PIWIL2: variants seen among roughly 807,000 people sequenced by gnomAD.
PIWIL2 encodes piwi-like protein 2.
PIWIL2 carries 81 observed loss-of-function variants against 116.5 expected under a neutral mutation model. The ratio of observed to expected loss-of-function variants is 0.70; its 90% CI spans 0.58 to 0.84. The LOEUF is 0.84. PIWIL2 is among the 40% of genes least tolerant of loss of function. The pLI is 0.00. For synonymous variants in PIWIL2, 489 were observed against 429.5 expected, an observed-to-expected ratio of 1.14 and a Z score of -1.71; for missense variants, 1,272 against 1,212.3, an observed-to-expected ratio of 1.05 and a Z score of -0.73.
intron 20 of PIWIL2, among the ~76,000 whole-genome samples, chr8:22,328,183 C>T (rs138938533): frequency 2.0e-5 from 3 of 152,210 alleles, no homozygotes; most frequent in African/African-American, 4.8e-5. Flanking sequence ...TAGCACCATT[C>T]GTTGAGAGAA....
rs760971354 is a variant in PIWIL2 at position 22,308,014 on chromosome 8, G to A, written c.1627G>A (p.Glu543Lys). The A allele has an allele frequency of 2.0e-5, 32 of 1,613,788 alleles. No homozygotes were observed. In the East Asian group the frequency reaches 3.1e-4, roughly 16 times the overall value. The change falls in exon 14 of 23, where the codon GAG (glutamate) becomes AAG (lysine). Residue 543 changes from glutamate to lysine, a missense_variant. Physicochemically the swap from Glu to Lys is moderately conservative, Grantham distance 56. Coordinates refer to ENST00000356766, the MANE Select transcript of PIWIL2 (RefSeq NM_018068.5). ...CTTGCTGCAAAGAATTGCAAAGAAC[G>A]AGGCAGCCACCAATGAACTGATGCG... ...ECLLQRIAKN[E>K]AATNELMRWG...
chr8:22,329,152 T>C (rs1230036485), intron 20 of PIWIL2, among the ~76,000 whole-genome samples: 1 of 152,170 alleles, frequency 6.6e-6, no homozygotes, highest in Non-Finnish European at 1.5e-5. Context: ...CCTAATTTGC[T>C]GAGTATTTTT....
intron 20 of PIWIL2, among the ~76,000 whole-genome samples, chr8:22,346,343 G>A (rs1832226240): frequency 6.6e-6 from 1 of 152,184 alleles, no homozygotes; most frequent in South Asian, 2.1e-4. Context: ...TAGTTCCCGT[G>A]GTGGAATCAG....
chr8:22,339,724 T>TA (rs1832064449), intron 20 of PIWIL2, among the ~76,000 whole-genome samples: 1 of 152,212 alleles, frequency 6.6e-6, no homozygotes, highest in Non-Finnish European at 1.5e-5. Context: ...ATTCATCCGA[T>TA]ACATATGGAA....
chr8:22,334,668 A>G lies in PIWIL2; in HGVS notation c.2403+16393A>G, dbSNP rs544340721. Among the ~76,000 whole-genome samples, 13 of 151,768 alleles carry G rather than the reference A, an allele frequency of 8.6e-5. 1 individual carries two copies. The South Asian group carries it at 1.9e-3, about 22-fold the overall frequency. On this transcript the variant is annotated intron_variant, in intron 20 of 22. Transcript: ENST00000356766. ...GTTGGGTCAAGCCCAACTGTCTCCA[A>G]CTCCTGGGCTTAGGTGATTCTCTTA...
chr8:22,304,768 C>G lies in PIWIL2; in HGVS notation c.1371-16C>G. On this transcript the variant is annotated splice_polypyrimidine_tract_variant and intron_variant, in intron 11 of 22. Coordinates refer to ENST00000356766, the MANE Select transcript of PIWIL2 (RefSeq NM_018068.5). ...TGCTGCTTCTGAAATTTTTTCCTGC[C>G]TCTACTCTGCTCTAGCAAAAATTAT... is the stretch of plus-strand genomic sequence containing the variant. 6.3e-7 allele frequency: 1 copy of G among 1,578,198 alleles called. No homozygotes were observed.
rs1170780921 is a variant in PIWIL2 at position 22,327,369 on chromosome 8, G to GTT, written c.2403+9108_2403+9109dup. On this transcript the variant is annotated intron_variant, in intron 20 of 22. Coordinates refer to ENST00000356766, the MANE Select transcript of PIWIL2 (RefSeq NM_018068.5). ...TGTTTTTTGTGGGGTTTTTTGTTTC[G>GTT]TTTTTTTTTTTTTTTGAGACGGAGT... Among the ~76,000 whole-genome samples, 94 of 117,570 alleles carry GTT rather than the reference G, an allele frequency of 8.0e-4. 1 individual carries two copies. Among genetic ancestry groups the GTT allele is most frequent in the African/African-American group, 2.3e-3 (72 of 31,966 alleles). 77.1% of individuals were successfully genotyped at this position (117,570 alleles called of 152,430 possible). A position where few individuals can be genotyped will look rare whatever the true frequency, so the allele number is the denominator to read the frequency against.
At chr8:22,349,331 T>A (rs1340585414) in intron 20 of PIWIL2, among the ~76,000 whole-genome samples, 1 of 150,202 alleles carries the variant, frequency 6.7e-6, no homozygotes, top group Non-Finnish European at 1.5e-5. Context: ...CTCCATTGAT[T>A]TATTAAGTCC....
intron 16 of PIWIL2, among the ~76,000 whole-genome samples, chr8:22,313,652 G>C (rs191978017): frequency 6.6e-6 from 1 of 152,326 alleles, no homozygotes; most frequent in African/African-American, 2.4e-5. Flanking sequence ...ATTTGTAGCA[G>C]TTTCTGGCTT....
At chr8:22,304,560 G>A (rs1467949323) in intron 11 of PIWIL2, among the ~76,000 whole-genome samples, 1 of 152,122 alleles carries the variant, frequency 6.6e-6, no homozygotes. Context: ...TTTTAACAAA[G>A]TCTTTCTTGA....
At chr8:22,277,538 A>G (rs948728258) in intron 1 of PIWIL2, among the ~76,000 whole-genome samples, 39 of 151,896 alleles carry the variant, frequency 2.6e-4, no homozygotes, top group African/African-American at 8.5e-4. Flanking sequence ...TTTTTTTTCT[A>G]TTTTTTAATT....
chr8:22,309,288 G>C (rs942372272), intron 14 of PIWIL2, among the ~76,000 whole-genome samples: 1 of 151,276 alleles, frequency 6.6e-6, no homozygotes, highest in African/African-American at 2.4e-5. Flanking sequence ...AATTTATGAA[G>C]GTAAAATAAT....
At chr8:22,300,418 C>A (rs1170755674) in intron 10 of PIWIL2, among the ~76,000 whole-genome samples, 1 of 152,208 alleles carries the variant, frequency 6.6e-6, no homozygotes, top group African/African-American at 2.4e-5. Context: ...CATTGTTTCT[C>A]CAGGTTCTTT....
chr8:22,337,510 C>T (rs529114231), intron 20 of PIWIL2, among the ~76,000 whole-genome samples: 9 of 151,860 alleles, frequency 5.9e-5, no homozygotes, highest in African/African-American at 2.2e-4. Context: ...GGGTGGATCA[C>T]CTGAGGTCAG....
At chr8:22,305,903 T>C in intron 12 of PIWIL2, 24 bp from the exon 13 acceptor site, 1 of 1,578,280 alleles carries the variant, frequency 6.3e-7, no homozygotes, top group Non-Finnish European at 8.7e-7. Flanking sequence ...TGCCTTATTT[T>C]CCCTCTTCGT....
chr8:22,288,429 A>G (rs1278813518), intron 7 of PIWIL2, 113 bp from the exon 8 acceptor site: 6 of 717,812 alleles, frequency 8.4e-6, no homozygotes, highest in African/African-American at 7.0e-5. Context: ...AAAAGTAGAA[A>G]AATGTTTTAA....
chr8:22,311,412 T>A, intron 16 of PIWIL2, 112 bp downstream of exon 16: 3 of 835,174 alleles, frequency 3.6e-6, no homozygotes, highest in Non-Finnish European at 5.6e-6. Context: ...CTAGAACTTG[T>A]CTTACCCATG....
At chr8:22,313,679 T>G (rs562065079) in intron 16 of PIWIL2, among the ~76,000 whole-genome samples, 158 of 152,352 alleles carry the variant, frequency 1.0e-3, no homozygotes, top group African/African-American at 3.5e-3. Context: ...TTGGCAACCT[T>G]CTTTCACTTG....
chr8:22,324,411 G>C (rs946474083), intron 20 of PIWIL2, among the ~76,000 whole-genome samples: 9 of 152,036 alleles, frequency 5.9e-5, no homozygotes, highest in African/African-American at 2.2e-4. Flanking sequence ...GATCTAGACT[G>C]CCGGCAGCAA....
Sources: gnomAD v4.1 joint callset for allele counts (sites outside exome capture counted in the v4.1 genomes callset) on GRCh38, gnomAD v4.1.1 for gene constraint, MANE v1.5 for transcripts, NCBI Gene and HGNC (gene_info 2026-07-23, HGNC 2026-07-21) for gene names.